Variants in THAP4 observed in about 807,000 individuals in gnomAD.
The protein encoded by THAP4 is peroxynitrite isomerase THAP4.
Under a neutral mutation model 48.1 loss-of-function variants are expected in THAP4, and 18 were observed. The ratio of observed to expected loss-of-function variants is 0.37; its 90% CI spans 0.26 to 0.56. THAP4 has a LOEUF of 0.56. THAP4 is among the 20% of genes least tolerant of loss of function. The probability of loss-of-function intolerance (pLI) is 0.78; values close to 1 mark genes in which losing one functional copy is unlikely to be tolerated. For missense variants in THAP4, 656 were observed against 774.9 expected (o/e 0.85, Z 1.82); for synonymous variants, 345 against 324.9 (o/e 1.06, Z -0.66).
intron 2 of THAP4, among the ~76,000 whole-genome samples, chr2:241,615,537 C>T (rs1249893026): frequency 6.6e-6 from 1 of 152,232 alleles, no homozygotes; most frequent in Non-Finnish European, 1.5e-5. Flanking sequence ...GCCCCAGGGT[C>T]TGCTGCCATC....
chr2:241,589,585 C>T (rs991308952), intron 5 of THAP4, among the ~76,000 whole-genome samples: 1 of 152,070 alleles, frequency 6.6e-6, no homozygotes, highest in East Asian at 1.9e-4. Flanking sequence ...CAACCCTTGG[C>T]GAGGCTGTGG....
intron 1 of THAP4, among the ~76,000 whole-genome samples, chr2:241,635,709 C>T (rs1476089815): frequency 6.6e-6 from 1 of 151,862 alleles, no homozygotes; most frequent in Admixed American, 6.6e-5. Context: ...GCGGGGGTTG[C>T]AGTGAGCCGA....
At chr2:241,635,365 C>T (rs1448366301) in intron 1 of THAP4, among the ~76,000 whole-genome samples, 2 of 152,226 alleles carry the variant, frequency 1.3e-5, no homozygotes, top group Non-Finnish European at 2.9e-5. Context: ...GCAACCAGCG[C>T]AGGAAGATAC....
chr2:241,592,801 C>G (rs2067002258), intron 5 of THAP4, among the ~76,000 whole-genome samples: 1 of 152,230 alleles, frequency 6.6e-6, no homozygotes, highest in African/African-American at 2.4e-5. Context: ...TCAATCCTGA[C>G]AGCCAAGGAG....
chr2:241,602,102 A>G (rs2067122086), intron 4 of THAP4, 103 bp from the exon 5 acceptor site: 7 of 1,101,570 alleles, frequency 6.4e-6, no homozygotes, highest in Admixed American at 4.5e-5. Flanking sequence ...GGAGGCCCCA[A>G]CTCTGCAGCT....
At chr2:241,629,686 T>A (rs949010035) in intron 2 of THAP4, among the ~76,000 whole-genome samples, 5 of 151,298 alleles carry the variant, frequency 3.3e-5, no homozygotes, top group Non-Finnish European at 5.9e-5. Context: ...AATAAGGAAA[T>A]GAAGAAATAA....
At chr2:241,637,546 C>T (rs1351434124), upstream of THAP4, 4 of 1,467,110 alleles carry the variant, frequency 2.7e-6, no homozygotes, top group South Asian at 2.6e-5. Context: ...CGCGTCGGCC[C>T]GGCCGTACGC....
intron 5 of THAP4, among the ~76,000 whole-genome samples, chr2:241,595,583 G>A (rs1272050098): frequency 1.3e-5 from 2 of 151,840 alleles, no homozygotes; most frequent in South Asian, 2.1e-4. Flanking sequence ...GTTGCGATGA[G>A]CTGAGATGGC....
intron 3 of THAP4, among the ~76,000 whole-genome samples, chr2:241,603,351 G>A (rs2067142165): frequency 7.0e-6 from 1 of 143,864 alleles, no homozygotes. Flanking sequence ...TGTCTTGCCT[G>A]CTGACCCTCA....
chr2:241,585,890 G>A (rs2066887448), intron 5 of THAP4, among the ~76,000 whole-genome samples: 1 of 132,024 alleles, frequency 7.6e-6, no homozygotes, highest in Non-Finnish European at 1.6e-5. Flanking sequence ...TTCAGCCTGG[G>A]TGACAGAGCA....
intron 2 of THAP4, 110 bp downstream of exon 2, chr2:241,632,807 G>A (rs1253392623): frequency 3.8e-6 from 3 of 799,812 alleles, no homozygotes; most frequent in African/African-American, 3.5e-5. Context: ...TCCTGAGAGC[G>A]CAGGGAGCTT....
At chr2:241,604,873 T>C (rs1380574256) in intron 3 of THAP4, among the ~76,000 whole-genome samples, 1 of 152,202 alleles carries the variant, frequency 6.6e-6, no homozygotes, top group East Asian at 1.9e-4. Flanking sequence ...AAATTTCTGT[T>C]GGGCTAGTGA....
Position 241,633,137 on chromosome 2 carries a change from C to A in THAP4, c.1020G>T (p.Lys340Asn). Residue 340 changes from lysine to asparagine, a missense_variant, in exon 2 of 6, where the codon AAG becomes AAT. By Grantham distance (94) the Lys-to-Asn change is moderately conservative. This residue lies in a region of THAP4 where 391 missense variants were observed against 412.4 expected (regional missense o/e 0.95). Transcript: ENST00000407315. The surrounding 1 kb of genome is among the most constrained non-coding windows in gnomAD (Gnocchi z 7.5). ...AGTAGGAGTGCAGTGAGTCGATGAG[C>A]TTGCAGGCCCCTGACGCCGACAGGA... is the stretch of plus-strand genomic sequence containing the variant. The part of the protein sequence containing the change: ...EVILSASGAC[K>N]LIDSLHSYCF... 1 of 1,611,372 alleles carries A rather than the reference C, an allele frequency of 6.2e-7. No individual in the cohort carries two copies.
chr2:241,588,186 AATC>A (rs2066915911), intron 5 of THAP4, among the ~76,000 whole-genome samples: 1 of 152,218 alleles, frequency 6.6e-6, no homozygotes, highest in African/African-American at 2.4e-5. Context: ...AAAATTAAAA[AATC>A]ATTTATAATA....
chr2:241,597,968 A>T (rs2067069199), intron 5 of THAP4, among the ~76,000 whole-genome samples: 1 of 142,730 alleles, frequency 7.0e-6, no homozygotes, highest in Non-Finnish European at 1.5e-5. Context: ...AGCAAAAATA[A>T]ACATGCAAAC....
intron 2 of THAP4, among the ~76,000 whole-genome samples, chr2:241,623,992 G>C (rs1290245376): frequency 6.6e-6 from 1 of 152,118 alleles, no homozygotes; most frequent in Non-Finnish European, 1.5e-5. Context: ...CACAGGTTAA[G>C]GGCTCAGTCC....
chr2:241,635,097 A>G (rs1053519974), intron 1 of THAP4, among the ~76,000 whole-genome samples: 7 of 152,232 alleles, frequency 4.6e-5, no homozygotes, highest in Admixed American at 6.5e-5. Context: ...ACGTGAATGT[A>G]TTTGTTGCCA....
Position 241,610,674 on chromosome 2 carries a change from T to C in THAP4, c.1241-4201A>G, listed in dbSNP as rs1575028633. Among the ~76,000 whole-genome samples, 1 of 150,462 alleles carries C rather than the reference T, an allele frequency of 6.6e-6. No individual in the cohort carries two copies. Among genetic ancestry groups the C allele is most frequent in the African/African-American group, 2.4e-5 (1 of 40,988 alleles). ...CTCACCGGCAGCCTCTGCCTCCCCC[T>C]GGTCTTTCCCTCCCACCACCCACCG... On this transcript the variant is annotated intron_variant, in intron 2 of 5. Coordinates refer to ENST00000407315, the MANE Select transcript of THAP4 (RefSeq NM_015963.6). The surrounding 1 kb of genome is among the most constrained non-coding windows in gnomAD (Gnocchi z 4.2).
At chr2:241,606,009 G>C (rs2067178796) in intron 3 of THAP4, among the ~76,000 whole-genome samples, 1 of 152,126 alleles carries the variant, frequency 6.6e-6, no homozygotes, top group African/African-American at 2.4e-5. Flanking sequence ...TACCGCACTG[G>C]CCAGGGTGAT....
Sources: allele counts gnomAD v4.1 joint callset (sites outside exome capture counted in the v4.1 genomes callset), GRCh38; gene constraint gnomAD v4.1.1; regional missense constraint gnomAD v4.1.1; non-coding constraint Gnocchi (gnomAD v3.1); transcripts MANE v1.5; gene names NCBI Gene and HGNC (gene_info 2026-07-23, HGNC 2026-07-21).